DIO2: variants seen among roughly 807,000 people sequenced by gnomAD.
DIO2 encodes the protein type II iodothyronine deiodinase.
Under a neutral mutation model 21.4 loss-of-function variants are expected in DIO2, and 19 were observed. That is an observed-to-expected ratio of 0.89 (90% CI 0.62 to 1.30). The LOEUF (loss-of-function observed/expected upper bound fraction) is 1.30. DIO2 is among the 50% of genes most tolerant of loss of function. The probability of loss-of-function intolerance (pLI) is 0.00; values close to 1 mark genes in which losing one functional copy is unlikely to be tolerated. For synonymous variants in DIO2, 122 were observed against 132.9 expected (o/e 0.92, Z 0.57); for missense variants, 302 against 338.1 (o/e 0.89, Z 0.84).
intron 1 of DIO2, chr14:80,205,537 T>G: frequency 8.7e-7 from 1 of 1,145,288 alleles, no homozygotes; most frequent in Non-Finnish European, 1.1e-6. Context: ...ATCCTTTCAT[T>G]ATGTCTGATT....
intron 1 of DIO2, among the ~76,000 whole-genome samples, chr14:80,206,975 T>C (rs1887980015): frequency 6.6e-6 from 1 of 152,166 alleles, no homozygotes; most frequent in Admixed American, 6.5e-5. Context: ...GTCTTGAAGT[T>C]CCGATGTTCC....
At chr14:80,217,040 A>G (rs909415262) in intron 2 of DIO2, among the ~76,000 whole-genome samples, 2 of 152,218 alleles carry the variant, frequency 1.3e-5, no homozygotes, top group African/African-American at 4.8e-5. Flanking sequence ...TTTGTTCCCA[A>G]TGAGAGCAAA....
intron 1 of DIO2, chr14:80,206,352 A>T (rs1484408002): frequency 9.5e-6 from 14 of 1,472,856 alleles, no homozygotes; most frequent in Non-Finnish European, 1.3e-5. Context: ...AAATAAAGAA[A>T]AAAAACTTTT....
chr14:80,206,119 G>T, intron 1 of DIO2: 1 of 758,060 alleles, frequency 1.3e-6, no homozygotes. Context: ...CTTACTGAAT[G>T]TTATAATGTC....
Position 80,203,291 on chromosome 14 carries a change from G to T in DIO2, c.223-3C>A. 2 of 1,436,338 alleles carry T rather than the reference G, an allele frequency of 1.4e-6. No homozygotes were observed. Among genetic ancestry groups the T allele is most frequent in the Admixed American group, 2.9e-5 (1 of 34,128 alleles). 89.0% of individuals were successfully genotyped at this position (1,436,338 alleles called of 1,614,324 possible). On this transcript the variant is annotated splice_region_variant and splice_polypyrimidine_tract_variant and intron_variant, in intron 1 of 1. Coordinates refer to ENST00000438257, the MANE Select transcript of DIO2 (RefSeq NM_013989.5). ...GGGGCATCCTCACCCAATTTCACCTGACGGTAAAAAAAAAAAAAAAGAAGA... is the reference window on the plus strand; with the variant it reads ...GGGGCATCCTCACCCAATTTCACCTTACGGTAAAAAAAAAAAAAAAGAAGA...
At chr14:80,211,506 C>T, upstream of DIO2, 4 of 1,381,140 alleles carry the variant, frequency 2.9e-6, no homozygotes, top group East Asian at 3.2e-5. Flanking sequence ...CCCTTGTGCG[C>T]TCTGGTTCCC....
chr14:80,218,349 A>G (rs1888397224), intron 2 of DIO2, among the ~76,000 whole-genome samples: 1 of 152,166 alleles, frequency 6.6e-6, no homozygotes, highest in African/African-American at 2.4e-5. Flanking sequence ...AATAGAAAAA[A>G]TTATCTGTAA....
chr14:80,201,161 T>C lies in DIO2; in HGVS notation c.*1528A>G, dbSNP rs1887701667. On this transcript the variant is annotated 3_prime_UTR_variant, in exon 2 of 2. Transcript: ENST00000438257. ...TAAAAAGAAAAAAATATTTTATATATATATTTTTTAAAATAGCATTATAAT... is the reference window on the plus strand; with the variant it reads ...TAAAAAGAAAAAAATATTTTATATACATATTTTTTAAAATAGCATTATAAT... 6.6e-6 allele frequency: 1 copy of C among 150,954 alleles called. No individual in the cohort carries two copies. The highest frequency in any genetic ancestry group is 6.6e-5 in the Admixed American group (1 of 15,144). The allele number at this position is 150,954 out of a possible 1,614,324, so 9.4% of individuals were successfully genotyped here. A position where few individuals can be genotyped will look rare whatever the true frequency, so the allele number is the denominator to read the frequency against.
Position 80,229,295 on chromosome 14 carries a change from C to T in DIO2, c.-277-12558G>A, listed in dbSNP as rs1382528488. Reference sequence around the variant, plus strand: ...TATTCTGATTGCTGCTTTGTCTCTACTGTCCATTACAATAGCTACATCCAC... The same window carrying T: ...TATTCTGATTGCTGCTTTGTCTCTATTGTCCATTACAATAGCTACATCCAC... On this transcript the variant is annotated intron_variant, in intron 2 of 4. Coordinates refer to the DIO2 transcript ENST00000553594. 2.0e-5 allele frequency among the ~76,000 whole-genome samples: 3 copies of T among 152,324 alleles called. No homozygotes were observed. The East Asian group carries it at 5.8e-4, about 29-fold the overall frequency.
intron 1 of DIO2, chr14:80,205,633 C>T (rs1887920397): frequency 2.3e-6 from 3 of 1,332,398 alleles, no homozygotes; most frequent in Non-Finnish European, 2.0e-6. Context: ...AGTTAAGGCA[C>T]CTTCTCCTTC....
chr14:80,206,179 T>C, intron 1 of DIO2: 2 of 1,151,372 alleles, frequency 1.7e-6, no homozygotes, highest in South Asian at 3.0e-5. Context: ...AGAAAATGCA[T>C]AGATAAAATT....
At chr14:80,216,776 A>AT (rs1215076294) in intron 2 of DIO2, 1 of 152,188 alleles carries the variant, frequency 6.6e-6, no homozygotes, top group African/African-American at 2.4e-5. Flanking sequence ...ACAAAGGAAA[A>AT]TGGTCAAAAA....
chr14:80,202,972 A>C lies in DIO2; in HGVS notation c.539T>G (p.Phe180Cys). 6.2e-7 allele frequency: 1 copy of C among 1,613,976 alleles called. No homozygotes were observed. Among genetic ancestry groups the C allele is most frequent in the Non-Finnish European group, 8.5e-7 (1 of 1,179,882 alleles). Residue 180 changes from phenylalanine to cysteine, a missense_variant, in exon 2 of 2, where the codon TTT becomes TGT. Physicochemically the swap from Phe to Cys is radical, Grantham distance 205 (BLOSUM62 -2). Coordinates refer to ENST00000438257, the MANE Select transcript of DIO2 (RefSeq NM_013989.5). ...CTGGTTCTGGTGCTTCTTCACCTCA[A>C]AAGACAAAGAGGAGTCCCCCGGTAT... ...WAIPGDSSLS[F>C]EVKKHQNQED...
At chr14:80,213,772 C>T (rs1179576183), upstream of DIO2, among the ~76,000 whole-genome samples, 3 of 152,144 alleles carry the variant, frequency 2.0e-5, no homozygotes, top group Non-Finnish European at 2.9e-5. Context: ...AATTGTAAAA[C>T]GTGGTGGCCT....
At position 80,199,027 on chromosome 14, in the gene DIO2, A is replaced by C. The variant is rs2139989721; in HGVS notation, c.*3662T>G. Reference sequence around the variant, plus strand: ...ATGTCCAGATTCATCCATCCTCTTAAGATTGACATAAAGAGAAGTCCTGTA... The same window carrying C: ...ATGTCCAGATTCATCCATCCTCTTACGATTGACATAAAGAGAAGTCCTGTA... On this transcript the variant is annotated 3_prime_UTR_variant, in exon 2 of 2. Transcript: ENST00000438257. The C allele has an allele frequency of 6.6e-6, 1 of 152,348 alleles. No individual in the cohort carries two copies. The highest frequency in any genetic ancestry group is 1.5e-5 in the Non-Finnish European group (1 of 68,044). 9.4% of individuals were successfully genotyped at this position (152,348 alleles called of 1,614,324 possible).
chr14:80,223,138 A>G (rs1318668105), intron 2 of DIO2, among the ~76,000 whole-genome samples: 1 of 152,174 alleles, frequency 6.6e-6, no homozygotes, highest in Non-Finnish European at 1.5e-5. Flanking sequence ...ATAATCCATC[A>G]TGCCCAGCCT....
At chr14:80,230,079 G>A (rs1338014261) in intron 2 of DIO2, among the ~76,000 whole-genome samples, 1 of 152,128 alleles carries the variant, frequency 6.6e-6, no homozygotes, top group Non-Finnish European at 1.5e-5. Context: ...AGGCAGCATA[G>A]GGTTTATCTC....
intron 2 of DIO2, chr14:80,230,770 C>T (rs749737074): frequency 6.6e-6 from 1 of 152,168 alleles, no homozygotes; most frequent in Non-Finnish European, 1.5e-5. Flanking sequence ...ACCCTAAAAG[C>T]AATGAAAGAA....
intron 2 of DIO2, among the ~76,000 whole-genome samples, chr14:80,230,211 T>C (rs1888658900): frequency 6.6e-6 from 1 of 152,132 alleles, no homozygotes; most frequent in Non-Finnish European, 1.5e-5. Flanking sequence ...AAACTCAGCG[T>C]CCCCAGCTTC....
Sources: gnomAD v4.1 joint callset for allele counts (sites outside exome capture counted in the v4.1 genomes callset) on GRCh38, gnomAD v4.1.1 for gene constraint, MANE v1.5 for transcripts, NCBI Gene and HGNC (gene_info 2026-07-23, HGNC 2026-07-21) for gene names.